Variants in CTNNA2 observed in about 807,000 individuals in gnomAD.
The protein encoded by CTNNA2 is catenin alpha-2.
CTNNA2 carries 42 observed loss-of-function variants against 101.0 expected under a neutral mutation model. That is an observed-to-expected ratio of 0.42 (90% CI 0.32 to 0.54). CTNNA2 has a LOEUF of 0.54. CTNNA2 is among the 20% of genes least tolerant of loss of function. CTNNA2 has a pLI of 0.14. For synonymous variants in CTNNA2, 450 were observed against 456.4 expected, an observed-to-expected ratio of 0.99 and a Z score of 0.18; for missense variants, 871 against 1,223.1, an observed-to-expected ratio of 0.71 and a Z score of 4.29.
chr2:79,784,257 C>T (rs1022712699), intron 3 of CTNNA2, among the ~76,000 whole-genome samples: 12 of 151,940 alleles, frequency 7.9e-5, no homozygotes, highest in Admixed American at 5.9e-4. Context: ...GGTTAAAGAC[C>T]TGCATATTCA....
At chr2:79,309,545 G>C (rs1287036780) in intron 2 of CTNNA2, among the ~76,000 whole-genome samples, 2 of 152,122 alleles carry the variant, frequency 1.3e-5, no homozygotes, top group African/African-American at 4.8e-5. Context: ...TCCTTGTAAG[G>C]CAGGAACAAG....
intron 8 of CTNNA2, among the ~76,000 whole-genome samples, chr2:80,404,876 T>C (rs968602775): frequency 2.0e-5 from 3 of 152,206 alleles, no homozygotes; most frequent in Admixed American, 2.0e-4. Flanking sequence ...ACCATTGATG[T>C]TGATTTTTTG....
chr2:80,525,405 G>A (rs1689949366), intron 9 of CTNNA2, among the ~76,000 whole-genome samples: 1 of 151,936 alleles, frequency 6.6e-6, no homozygotes, highest in South Asian at 2.1e-4. Context: ...TGTTGGTGAT[G>A]CCCTCCCCAG....
At chr2:80,001,910 A>AT (rs780137887) in intron 7 of CTNNA2, among the ~76,000 whole-genome samples, 8 of 152,178 alleles carry the variant, frequency 5.3e-5, no homozygotes, top group African/African-American at 1.4e-4. Context: ...AATACTGTTC[A>AT]TTTTTTGCAT....
At chr2:80,356,844 C>G (rs1362664129) in intron 7 of CTNNA2, among the ~76,000 whole-genome samples, 2 of 152,130 alleles carry the variant, frequency 1.3e-5, no homozygotes, top group Non-Finnish European at 2.9e-5. Context: ...ACTTAGAGGC[C>G]AGGTACTTGT....
At chr2:79,410,349 G>C (rs1678395115) in intron 4 of CTNNA2, among the ~76,000 whole-genome samples, 2 of 146,430 alleles carry the variant, frequency 1.4e-5, no homozygotes, top group African/African-American at 2.5e-5. Context: ...TTGAATAGGA[G>C]TGGTGAGAGA....
At chr2:79,642,288 A>C (rs193242969) in intron 1 of CTNNA2, among the ~76,000 whole-genome samples, 32 of 152,346 alleles carry the variant, frequency 2.1e-4, no homozygotes, top group Admixed American at 1.5e-3. Context: ...ATTTGAGGAA[A>C]GTACTTAACT....
At chr2:80,465,473 TG>T (rs1249609827) in intron 9 of CTNNA2, among the ~76,000 whole-genome samples, 1 of 152,176 alleles carries the variant, frequency 6.6e-6, no homozygotes, top group Non-Finnish European at 1.5e-5. Flanking sequence ...TGAAAGAACT[TG>T]GCACATGTTG....
chr2:80,107,745 T>C (rs1328403822), intron 7 of CTNNA2, among the ~76,000 whole-genome samples: 2 of 152,228 alleles, frequency 1.3e-5, no homozygotes, highest in African/African-American at 4.8e-5. Flanking sequence ...CTACTGTCCA[T>C]GGACGGCAGA....
intron 2 of CTNNA2, among the ~76,000 whole-genome samples, chr2:79,220,164 ATGTG>A (rs200743234): frequency 1.3e-5 from 2 of 151,322 alleles, no homozygotes; most frequent in African/African-American, 4.9e-5. Flanking sequence ...ATATATATGT[ATGTG>A]TGTGTGTGTA....
intron 7 of CTNNA2, among the ~76,000 whole-genome samples, chr2:80,203,132 TG>T (rs1426074412): frequency 2.0e-5 from 3 of 152,090 alleles, no homozygotes; most frequent in Non-Finnish European, 4.4e-5. Context: ...CCATAACACA[TG>T]GGAATTATGG....
At chr2:79,233,216 T>A (rs1211414502) in intron 2 of CTNNA2, among the ~76,000 whole-genome samples, 1 of 152,192 alleles carries the variant, frequency 6.6e-6, no homozygotes, top group Non-Finnish European at 1.5e-5. Flanking sequence ...CCTTTTAACA[T>A]TGTTTTAGCT....
chr2:79,358,229 T>C (rs1271537921), intron 3 of CTNNA2, among the ~76,000 whole-genome samples: 1 of 151,932 alleles, frequency 6.6e-6, no homozygotes, highest in Non-Finnish European at 1.5e-5. Context: ...GATGGAGTTT[T>C]GCTCTAGTCA....
chr2:80,063,523 G>A (rs575266282), intron 7 of CTNNA2, among the ~76,000 whole-genome samples: 10 of 152,168 alleles, frequency 6.6e-5, no homozygotes, highest in East Asian at 1.9e-4. Context: ...TTTTTGTATC[G>A]TAGTACCTGT....
chr2:80,097,327 G>T (rs1353332059), intron 7 of CTNNA2, among the ~76,000 whole-genome samples: 1 of 152,168 alleles, frequency 6.6e-6, no homozygotes, highest in Non-Finnish European at 1.5e-5. Flanking sequence ...AATGTTGAAT[G>T]TTGGCCCCCA....
Position 79,819,222 on chromosome 2 carries a change from G to A in CTNNA2, c.299-38791G>A, listed in dbSNP as rs942162210. On this transcript the variant is annotated intron_variant, in intron 3 of 18. Transcript: ENST00000402739. ...TTGAACTCCCGACCTCAGGTGATCC[G>A]CCTGCCTTGGCCTCCCAAAGTGCTG... Among the ~76,000 whole-genome samples, 7 of 151,714 alleles carry A rather than the reference G, an allele frequency of 4.6e-5. 1 individual carries two copies. The South Asian group carries it at 1.0e-3, about 23-fold the overall frequency.
intron 7 of CTNNA2, among the ~76,000 whole-genome samples, chr2:80,336,301 C>G (rs187822081): frequency 2.0e-5 from 3 of 152,054 alleles, no homozygotes. Flanking sequence ...TAATTCTACT[C>G]GTGAGGGCTC....
chr2:79,611,720 C>T (rs1371566253), intron 1 of CTNNA2, among the ~76,000 whole-genome samples: 2 of 152,172 alleles, frequency 1.3e-5, no homozygotes, highest in Middle Eastern at 3.4e-3. Context: ...AGCTTTCCTG[C>T]AGCTAGTCTC....
intron 3 of CTNNA2, among the ~76,000 whole-genome samples, chr2:79,856,618 G>T (rs1198137296): frequency 6.6e-6 from 1 of 152,156 alleles, no homozygotes; most frequent in Non-Finnish European, 1.5e-5. Flanking sequence ...CCCCAAAGTG[G>T]ATATCCACCC....
Sources: gnomAD v4.1 joint callset for allele counts (sites outside exome capture counted in the v4.1 genomes callset) on GRCh38, gnomAD v4.1.1 for gene constraint, MANE v1.5 for transcripts, NCBI Gene and HGNC (gene_info 2026-07-23, HGNC 2026-07-21) for gene names.